SLC16A7: variants seen among roughly 807,000 people sequenced by gnomAD.
SLC16A7 encodes the protein monocarboxylate transporter 2.
Under a neutral mutation model 34.9 loss-of-function variants are expected in SLC16A7, and 33 were observed. The ratio of observed to expected loss-of-function variants is 0.94; its 90% CI spans 0.72 to 1.26. The LOEUF (loss-of-function observed/expected upper bound fraction) is 1.26, where lower values mean the gene tolerates loss of function less well. SLC16A7 is among the 50% of genes most tolerant of loss of function. The pLI, the probability that SLC16A7 is intolerant of heterozygous loss-of-function variation, is 0.00. For missense variants in SLC16A7, 573 were observed against 578.1 expected (o/e 0.99, Z 0.09); for synonymous variants, 201 against 206.6 (o/e 0.97, Z 0.23).
intron 1 of SLC16A7, among the ~76,000 whole-genome samples, chr12:59,627,369 T>C (rs1212611259): frequency 1.3e-5 from 2 of 151,946 alleles, no homozygotes; most frequent in African/African-American, 4.8e-5. Flanking sequence ...GTATAAAGTA[T>C]ACATCAATTT....
intron 2 of SLC16A7, among the ~76,000 whole-genome samples, chr12:59,686,116 T>C (rs573535929): frequency 8.7e-4 from 109 of 124,738 alleles, no homozygotes; most frequent in African/African-American, 3.1e-3. Context: ...TTTTTTTTTT[T>C]GCAGGGGAGG....
chr12:59,673,815 G>A (rs1870087236), intron 2 of SLC16A7, among the ~76,000 whole-genome samples: 1 of 152,054 alleles, frequency 6.6e-6, no homozygotes, highest in South Asian at 2.1e-4. Flanking sequence ...TTATCTAACT[G>A]GAAGAGGGCA....
At chr12:59,695,545 CAT>C (rs914663908) in intron 2 of SLC16A7, among the ~76,000 whole-genome samples, 1 of 152,052 alleles carries the variant, frequency 6.6e-6, no homozygotes, top group African/African-American at 2.4e-5. Flanking sequence ...CCTCTTTACT[CAT>C]AGTCTTCCTA....
rs184195754 is a variant in SLC16A7, at chr12:59,655,247, C to T, written c.-34C>T. ...GGGACTCTTGGTGCCAACAGAGTTA[C>T]TCTGTGAGTATCCTTGGTGTGTAAT... On this transcript the variant is annotated 5_prime_UTR_variant, in exon 2 of 6. Transcript: ENST00000547379. 4 of 152,056 alleles carry T rather than the reference C, an allele frequency of 2.6e-5. No individual in the cohort carries two copies. The highest frequency in any genetic ancestry group is 5.9e-5 in the Non-Finnish European group (4 of 67,912). The allele number at this position is 152,056 out of a possible 1,614,324, so 9.4% of individuals were successfully genotyped here. A position where few individuals can be genotyped will look rare whatever the true frequency, so the allele number is the denominator to read the frequency against.
intron 2 of SLC16A7, among the ~76,000 whole-genome samples, chr12:59,682,926 C>G (rs756101415): frequency 6.6e-6 from 1 of 151,900 alleles, no homozygotes; most frequent in Non-Finnish European, 1.5e-5. Flanking sequence ...ATTAGCCAGG[C>G]GTGGTGGTGG....
intron 1 of SLC16A7, among the ~76,000 whole-genome samples, chr12:59,613,708 A>G (rs1039670917): frequency 1.3e-5 from 2 of 152,210 alleles, no homozygotes; most frequent in African/African-American, 4.8e-5. Context: ...GATGATGAAG[A>G]AAAAATGAAA....
chr12:59,680,385 G>C (rs961549903), intron 2 of SLC16A7, among the ~76,000 whole-genome samples: 2 of 152,164 alleles, frequency 1.3e-5, no homozygotes, highest in African/African-American at 2.4e-5. Context: ...ATTATGTCTA[G>C]TCTTATTTCT....
chr12:59,650,901 A>G (rs1160829060), intron 1 of SLC16A7, among the ~76,000 whole-genome samples: 2 of 152,162 alleles, frequency 1.3e-5, no homozygotes, highest in Non-Finnish European at 2.9e-5. Flanking sequence ...AAATTGCTAA[A>G]AGCTCTAGTG....
At chr12:59,684,643 G>T (rs1477333699) in intron 2 of SLC16A7, among the ~76,000 whole-genome samples, 3 of 152,166 alleles carry the variant, frequency 2.0e-5, no homozygotes, top group Non-Finnish European at 1.5e-5. Context: ...GAGCAAACAT[G>T]AGTGTGTAGA....
intron 2 of SLC16A7, among the ~76,000 whole-genome samples, chr12:59,702,557 T>G (rs1162215220): frequency 6.6e-6 from 1 of 152,106 alleles, no homozygotes; most frequent in East Asian, 1.9e-4. Context: ...TTACTGTGAT[T>G]GACTAGGATC....
chr12:59,640,576 A>G (rs1045681925), intron 1 of SLC16A7, among the ~76,000 whole-genome samples: 1 of 152,104 alleles, frequency 6.6e-6, no homozygotes, highest in Non-Finnish European at 1.5e-5. Flanking sequence ...TATCCAGATA[A>G]CAAGAGGATC....
intron 3 of SLC16A7, among the ~76,000 whole-genome samples, chr12:59,719,523 G>T (rs1330744249): frequency 2.0e-5 from 3 of 152,092 alleles, no homozygotes; most frequent in Non-Finnish European, 2.9e-5. Context: ...ATAACAGTTT[G>T]TAATAAATAA....
chr12:59,726,873 C>T (rs1876311011), intron 3 of SLC16A7, among the ~76,000 whole-genome samples: 1 of 151,936 alleles, frequency 6.6e-6, no homozygotes, highest in Non-Finnish European at 1.5e-5. Flanking sequence ...ACTTGAAAAT[C>T]AGATTGTCTA....
Position 59,784,372 on chromosome 12 carries a change from T to C in SLC16A7, c.*4693T>C, listed in dbSNP as rs964408921. The stretch of plus-strand genomic sequence containing the variant: ...AGGCAATAGAGTGAGAATCTGTCTC[T>C]ATTAAAAAAAAAATAAAATGTTCTT... On this transcript the variant is annotated 3_prime_UTR_variant, in exon 6 of 6. Transcript: ENST00000547379. 1 of 151,812 alleles carries C rather than the reference T, an allele frequency of 6.6e-6. No individual in the cohort carries two copies. The highest frequency in any genetic ancestry group is 1.9e-4 in the East Asian group (1 of 5,154). The allele number at this position is 151,812 out of a possible 1,614,324, so 9.4% of individuals were successfully genotyped here. A position where few individuals can be genotyped will look rare whatever the true frequency, so the allele number is the denominator to read the frequency against.
At chr12:59,608,976 GTTAC>G (rs1879068962) in intron 1 of SLC16A7, among the ~76,000 whole-genome samples, 1 of 152,158 alleles carries the variant, frequency 6.6e-6, no homozygotes, top group South Asian at 2.1e-4. Context: ...TATTTGGTCA[GTTAC>G]TTTAAGTGTG....
intron 1 of SLC16A7, among the ~76,000 whole-genome samples, chr12:59,609,117 C>T (rs1469303432): frequency 6.6e-6 from 1 of 152,202 alleles, no homozygotes; most frequent in Non-Finnish European, 1.5e-5. Flanking sequence ...AGGGAAGAAT[C>T]ACCGAGTGAG....
chr12:59,751,793 G>A (rs1284208377), intron 3 of SLC16A7, among the ~76,000 whole-genome samples: 1 of 152,222 alleles, frequency 6.6e-6, no homozygotes, highest in Admixed American at 6.5e-5. Context: ...AGATTGGGCA[G>A]ACTGCCTCCT....
intron 1 of SLC16A7, among the ~76,000 whole-genome samples, chr12:59,616,597 G>A (rs1879461791): frequency 6.6e-6 from 1 of 152,078 alleles, no homozygotes; most frequent in Non-Finnish European, 1.5e-5. Flanking sequence ...ATCGCCTTAG[G>A]ATTTTGCTTG....
chr12:59,701,649 C>T (rs1288421327), intron 2 of SLC16A7, among the ~76,000 whole-genome samples: 1 of 151,576 alleles, frequency 6.6e-6, no homozygotes, highest in African/African-American at 2.4e-5. Context: ...GTGTTGACAC[C>T]TATTTATTGT....
Sources: allele counts gnomAD v4.1 joint callset (sites outside exome capture counted in the v4.1 genomes callset), GRCh38; gene constraint gnomAD v4.1.1; transcripts MANE v1.5; gene names NCBI Gene and HGNC (gene_info 2026-07-23, HGNC 2026-07-21).